Variants in DPP10 observed in about 807,000 individuals in gnomAD.
DPP10 encodes dipeptidyl peptidase like 10.
DPP10 carries 33 observed loss-of-function variants against 120.9 expected under a neutral mutation model. The observed-to-expected ratio is 0.27, with a 90% CI of 0.21 to 0.37. DPP10 has a LOEUF of 0.37. DPP10 is among the 10% of genes least tolerant of loss of function. DPP10 has a pLI of 1.00. For synonymous variants in DPP10, 337 were observed against 326.1 expected (o/e 1.03, Z -0.36); for missense variants, 816 against 942.8 (o/e 0.87, Z 1.76).
At chr2:115,209,262 C>T (rs1447639934) in intron 1 of DPP10, among the ~76,000 whole-genome samples, 3 of 152,064 alleles carry the variant, frequency 2.0e-5, no homozygotes, top group Non-Finnish European at 2.9e-5. Context: ...ATCCAAAAGG[C>T]AAAATATGTC....
intron 3 of DPP10, among the ~76,000 whole-genome samples, chr2:115,452,448 G>A (rs187375548): frequency 1.7e-3 from 255 of 151,928 alleles, no homozygotes; most frequent in Non-Finnish European, 3.0e-3. Flanking sequence ...ATTGAACCTC[G>A]TTCACTTAGG....
intron 3 of DPP10, chr2:115,468,264 A>ACCCTG: frequency 2.0e-6 from 1 of 509,958 alleles, no homozygotes; most frequent in South Asian, 1.4e-5. Flanking sequence ...GCCATTGAAA[A>ACCCTG]CTGATGTCAG....
chr2:115,200,019 TTAG>T (rs2055581003), intron 1 of DPP10, among the ~76,000 whole-genome samples: 1 of 152,142 alleles, frequency 6.6e-6, no homozygotes, highest in Non-Finnish European at 1.5e-5. Context: ...TATTCCAAAC[TTAG>T]ATTAGACAGA....
intron 5 of DPP10, among the ~76,000 whole-genome samples, chr2:115,534,844 G>A (rs2148934470): frequency 6.6e-6 from 1 of 151,950 alleles, no homozygotes; most frequent in East Asian, 1.9e-4. Flanking sequence ...GTTTTGATTT[G>A]CATTTCTCTG....
rs573115776 is a variant in DPP10, at chr2:114,642,588, T to C, written c.60+199750T>C. ...AGCTGCTGTATGTGCCCCCAGGCCA[T>C]AGGCATGTCAGCAGCTATGGATACC... On this transcript the variant is annotated intron_variant, in intron 1 of 25. Coordinates refer to ENST00000410059, the MANE Select transcript of DPP10 (RefSeq NM_020868.6). Among the ~76,000 whole-genome samples, 3 of 151,970 alleles carry C rather than the reference T, an allele frequency of 2.0e-5. No individual in the cohort carries two copies. The East Asian group carries it at 5.8e-4, about 29-fold the overall frequency.
chr2:114,987,879 C>T (rs1295595351), intron 1 of DPP10, among the ~76,000 whole-genome samples: 2 of 140,496 alleles, frequency 1.4e-5, no homozygotes, highest in Admixed American at 7.8e-5. Flanking sequence ...TCTCGGCTCA[C>T]TGCAAGCTCC....
At chr2:115,073,330 G>T (rs1204769631) in intron 1 of DPP10, among the ~76,000 whole-genome samples, 1 of 152,204 alleles carries the variant, frequency 6.6e-6, no homozygotes, top group Non-Finnish European at 1.5e-5. Context: ...GAGAAGTTAT[G>T]TTTTTAAAAT....
chr2:114,937,824 A>T (rs1696598706), intron 1 of DPP10, among the ~76,000 whole-genome samples: 1 of 152,196 alleles, frequency 6.6e-6, no homozygotes, highest in Admixed American at 6.5e-5. Context: ...ATTTTCTAAA[A>T]GCCGTCTTTG....
chr2:115,366,314 G>C (rs537382104), intron 3 of DPP10, among the ~76,000 whole-genome samples: 1 of 151,678 alleles, frequency 6.6e-6, no homozygotes, highest in Admixed American at 6.6e-5. Context: ...TCATTTTCTT[G>C]TGTATAGGAA....
rs11692846 is a variant in DPP10 at position 115,315,732 on chromosome 2, T to C, written c.175+6379T>C. On this transcript the variant is annotated intron_variant, in intron 2 of 25. Transcript: ENST00000410059. ...AGGCATAGTCTAATGTGTCTCTGCT[T>C]GTTTTTTTCAACAACAGCACAGATT... is the stretch of plus-strand genomic sequence containing the variant. Among the ~76,000 whole-genome samples the C allele has an allele frequency of 1.0e-2, 1,516 of 152,280 alleles. 16 individuals are homozygous for C. Among genetic ancestry groups the C allele is most frequent in the Non-Finnish European group, 0.015 (1,049 of 68,010 alleles).
chr2:115,815,911 A>G lies in DPP10; in HGVS notation c.1950+182A>G, dbSNP rs139516742. Among the ~76,000 whole-genome samples, 157 of 151,912 alleles carry G rather than the reference A, an allele frequency of 1.0e-3. 1 individual carries two copies. Among genetic ancestry groups the G allele is most frequent in the African/African-American group, 3.5e-3 (145 of 41,462 alleles). ...TGATGGCAGAGGAAGTGGATTCCAG[A>G]GTCTGAAATGTATATATATAATATA... is the stretch of plus-strand genomic sequence containing the variant. On this transcript the variant is annotated intron_variant, in intron 21 of 25. Coordinates refer to ENST00000410059, the MANE Select transcript of DPP10 (RefSeq NM_020868.6).
chr2:115,263,691 A>G (rs895409793), intron 1 of DPP10, among the ~76,000 whole-genome samples: 7 of 152,220 alleles, frequency 4.6e-5, no homozygotes, highest in Non-Finnish European at 1.0e-4. Context: ...CTACTCTTGT[A>G]TAAAAAGTCA....
chr2:114,572,603 T>A (rs1689744626), intron 1 of DPP10, among the ~76,000 whole-genome samples: 4 of 152,178 alleles, frequency 2.6e-5, no homozygotes, highest in Admixed American at 2.6e-4. Context: ...AAATGAGAAC[T>A]ATTGTGTGAG....
intron 1 of DPP10, among the ~76,000 whole-genome samples, chr2:115,173,090 G>T (rs2053468711): frequency 6.6e-6 from 1 of 151,742 alleles, no homozygotes; most frequent in Admixed American, 6.6e-5. Flanking sequence ...TTCTGAATTT[G>T]TTTTTTTTCC....
chr2:114,590,606 G>T (rs541221791), intron 1 of DPP10, among the ~76,000 whole-genome samples: 1 of 152,206 alleles, frequency 6.6e-6, no homozygotes, highest in South Asian at 2.1e-4. Context: ...CAGTTTCAAT[G>T]GTATAAATAC....
chr2:115,002,925 A>G (rs956060225), intron 1 of DPP10, among the ~76,000 whole-genome samples: 12 of 152,156 alleles, frequency 7.9e-5, no homozygotes, highest in Non-Finnish European at 1.6e-4. Context: ...AGTGTAAATT[A>G]GTTCAGCCAT....
At chr2:115,829,674 TC>T (rs1470781017) in intron 21 of DPP10, among the ~76,000 whole-genome samples, 1 of 152,136 alleles carries the variant, frequency 6.6e-6, no homozygotes, top group East Asian at 1.9e-4. Context: ...TTTTTATATA[TC>T]CTAGTAGAAT....
chr2:115,838,454 T>C (rs1689757181), intron 24 of DPP10, among the ~76,000 whole-genome samples: 1 of 152,196 alleles, frequency 6.6e-6, no homozygotes, highest in African/African-American at 2.4e-5. Context: ...GGAAATGATA[T>C]AACTTCCTTA....
intron 13 of DPP10, among the ~76,000 whole-genome samples, chr2:115,772,764 A>G (rs2149829928): frequency 6.6e-6 from 1 of 152,328 alleles, no homozygotes; most frequent in South Asian, 2.1e-4. Flanking sequence ...CCTGCAATTC[A>G]GGCTGCAGTG....
Sources: gnomAD v4.1 joint callset for allele counts (sites outside exome capture counted in the v4.1 genomes callset) on GRCh38, gnomAD v4.1.1 for gene constraint, MANE v1.5 for transcripts, NCBI Gene and HGNC (gene_info 2026-07-23, HGNC 2026-07-21) for gene names.